EIF2D: variants seen among roughly 807,000 people sequenced by gnomAD.
EIF2D encodes the protein eukaryotic translation initiation factor 2D.
Under a neutral mutation model 77.4 loss-of-function variants are expected in EIF2D, and 56 were observed. The ratio of observed to expected loss-of-function variants is 0.72; its 90% CI spans 0.58 to 0.90. The LOEUF is 0.90. Among genes scored for constraint, EIF2D ranks in the 40% least tolerant of loss-of-function variants. The pLI is 0.00. For missense variants in EIF2D, 574 were observed against 706.5 expected (o/e 0.81, Z 2.13); for synonymous variants, 230 against 271.0 (o/e 0.85, Z 1.49).
At chr1:206,606,947 C>T (rs1467865137) in intron 4 of EIF2D, among the ~76,000 whole-genome samples, 2 of 152,200 alleles carry the variant, frequency 1.3e-5, no homozygotes, top group African/African-American at 4.8e-5. Flanking sequence ...AGAAAATACA[C>T]ATGATCTTCA....
Position 206,609,392 on chromosome 1 carries a change from T to C in EIF2D, c.315A>G (p.Lys105=). The C allele has an allele frequency of 6.2e-7, 1 of 1,614,204 alleles. No individual in the cohort carries two copies. The highest frequency in any genetic ancestry group is 1.7e-5 in the Admixed American group (1 of 60,028). ...TFTTWPLVLE[K]LVGGADLMLP... is the part of the protein sequence containing the mutation. The stretch of plus-strand genomic sequence containing the variant: ...TCCTCTTACCTGCTCCCCCTACCAG[T>C]TTCTCGAGCACCAGAGGCCATGTTG... Residue 105 remains lysine (K), a synonymous_variant, in exon 3 of 15, where the codon AAA becomes AAG. Coordinates refer to ENST00000271764, the MANE Select transcript of EIF2D (RefSeq NM_006893.3).
rs1668784578 is a variant in EIF2D at position 206,579,478 on chromosome 1, A to G, written c.*254+1214T>C. On this transcript the variant is annotated intron_variant and NMD_transcript_variant, in intron 4 of 5. Transcript: ENST00000472709. This position sits in a 1 kb window ranked among gnomAD's most constrained non-coding sequence, Gnocchi z 4.2. ...CTTATCCTCTGAAGATTGCTATAGT[A>G]TCGATCTCGCTCTCATGGCAGATAG... Among the ~76,000 whole-genome samples the G allele has an allele frequency of 6.6e-6, 1 of 152,138 alleles. No individual in the cohort carries two copies. Among genetic ancestry groups the G allele is most frequent in the African/African-American group, 2.4e-5 (1 of 41,420 alleles).
chr1:206,592,431 G>A lies in EIF2D; in HGVS notation c.1685-586C>T, dbSNP rs1256827900. Reference sequence around the variant, plus strand: ...CTCCCAGGACCCCTGGGCTGGGCCAGTGAGCCTCTGAGGTCAGGTGGGCTT... The same window carrying A: ...CTCCCAGGACCCCTGGGCTGGGCCAATGAGCCTCTGAGGTCAGGTGGGCTT... On this transcript the variant is annotated intron_variant, in intron 14 of 14. Coordinates refer to ENST00000271764, the MANE Select transcript of EIF2D (RefSeq NM_006893.3). This position sits in a 1 kb window ranked among gnomAD's most constrained non-coding sequence, Gnocchi z 4.7. Among the ~76,000 whole-genome samples, 1 of 152,264 alleles carries A rather than the reference G, an allele frequency of 6.6e-6. No individual in the cohort carries two copies. The highest frequency in any genetic ancestry group is 6.5e-5 in the Admixed American group (1 of 15,290).
chr1:206,609,333 G>C, intron 3 of EIF2D, 43 bp downstream of exon 3: 2 of 1,569,344 alleles, frequency 1.3e-6, no homozygotes, highest in Non-Finnish European at 1.7e-6. Context: ...CTTTTGCTAA[G>C]TAGGTTTCAG....
intron 2 of EIF2D, 106 bp downstream of exon 2, chr1:206,611,078 T>G: frequency 9.0e-7 from 1 of 1,106,562 alleles, no homozygotes; most frequent in Non-Finnish European, 1.3e-6. Context: ...TATTGGGAGA[T>G]TTCGTGCTTG....
At chr1:206,595,625 C>T in intron 13 of EIF2D, 93 bp downstream of exon 13, 2 of 1,479,558 alleles carry the variant, frequency 1.4e-6, no homozygotes, top group Non-Finnish European at 1.8e-6. Context: ...GAGTTTGAGG[C>T]CAATCTAAAA....
At position 206,599,430 on chromosome 1, in the gene EIF2D, C is replaced by T. The variant is rs781915066; in HGVS notation, c.1202+33G>A. 1 of 1,609,534 alleles carries T rather than the reference C, an allele frequency of 6.2e-7. No homozygotes were observed. The highest frequency in any genetic ancestry group is 1.7e-5 in the Admixed American group (1 of 59,366). On this transcript the variant is annotated intron_variant, in intron 10 of 14. Coordinates refer to ENST00000271764, the MANE Select transcript of EIF2D (RefSeq NM_006893.3). This position sits in a 1 kb window ranked among gnomAD's most constrained non-coding sequence, Gnocchi z 4.1. ...AGGAACTGTAGGCCAGAACACCAAG[C>T]AGGCAGAGAAGGGCTGCTCTCCAAA...
At chr1:206,569,836 G>A (rs1668392051), downstream of EIF2D, among the ~76,000 whole-genome samples, 1 of 152,016 alleles carries the variant, frequency 6.6e-6, no homozygotes, top group South Asian at 2.1e-4. Context: ...CATTTTTTGT[G>A]TTCATTTTGC....
intron 2 of EIF2D, chr1:206,585,136 T>A: frequency 1.3e-6 from 2 of 1,504,968 alleles, no homozygotes; most frequent in East Asian, 2.3e-5. Flanking sequence ...GGCCCCGCCC[T>A]TCTTTTCTGG....
chr1:206,595,546 C>T (rs1357961525), intron 13 of EIF2D, 172 bp downstream of exon 13: 12 of 679,776 alleles, frequency 1.8e-5, no homozygotes, highest in Non-Finnish European at 2.5e-5. Context: ...GCGGGGTCAG[C>T]TTTACCTGTT....
At position 206,584,617 on chromosome 1, in the gene EIF2D, G is replaced by A. The variant is rs782249472; in HGVS notation, c.139-3455C>T. ...GTGAGGTCATCCAGGGGCTGCTCAA[G>A]AAGTTCATGGTTGTGGACAATCCCC... is the stretch of plus-strand genomic sequence containing the variant. On this transcript the variant is annotated intron_variant and NMD_transcript_variant, in intron 2 of 5. Transcript: ENST00000472709. The surrounding 1 kb of genome is among the most constrained non-coding windows in gnomAD (Gnocchi z 4.9). 6.2e-7 allele frequency: 1 copy of A among 1,614,210 alleles called. No individual in the cohort carries two copies. Among genetic ancestry groups the A allele is most frequent in the East Asian group, 2.2e-5 (1 of 44,864 alleles).
chr1:206,572,273 G>A (rs114259391), intron 5 of EIF2D, among the ~76,000 whole-genome samples: 2,218 of 152,184 alleles, frequency 0.015, 56 homozygotes, highest in African/African-American at 0.051. Flanking sequence ...TCTGGGAGCC[G>A]CCTCAGTGAA....
At chr1:206,591,303 G>A (rs1297981000), downstream of EIF2D, among the ~76,000 whole-genome samples, 4 of 152,204 alleles carry the variant, frequency 2.6e-5, no homozygotes, top group African/African-American at 9.7e-5. Context: ...CTGCAATTTA[G>A]GGTCAATTCT....
chr1:206,611,031 C>G (rs1670456787), intron 2 of EIF2D, 153 bp downstream of exon 2: 2 of 676,688 alleles, frequency 3.0e-6, no homozygotes, highest in South Asian at 5.1e-5. Context: ...AGACCCAATT[C>G]TAGGAACACC....
intron 4 of EIF2D, among the ~76,000 whole-genome samples, chr1:206,606,204 G>A (rs79363743): frequency 0.028 from 4,263 of 152,304 alleles, 121 homozygotes; most frequent in South Asian, 0.075. Flanking sequence ...AACAGTGGGG[G>A]AATAATACAT....
intron 4 of EIF2D, among the ~76,000 whole-genome samples, chr1:206,576,327 GC>G (rs1668657271): frequency 6.6e-6 from 1 of 152,210 alleles, no homozygotes; most frequent in South Asian, 2.1e-4. Flanking sequence ...AGGCCATGGG[GC>G]TGGTGTTTGG....
In EIF2D at chr1:206,599,331, C is replaced by A; in HGVS notation, c.1202+132G>T. On this transcript the variant is annotated intron_variant, in intron 10 of 14. Transcript: ENST00000271764. This position sits in a 1 kb window ranked among gnomAD's most constrained non-coding sequence, Gnocchi z 4.1. The stretch of plus-strand genomic sequence containing the variant: ...CTTGCCCAGGGAAGAAGGCTGGAAG[C>A]TGGATTTTGGAGAAGGGGAGAACAG... 2.4e-6 allele frequency: 3 copies of A among 1,269,028 alleles called. No individual in the cohort carries two copies. The highest frequency in any genetic ancestry group is 3.3e-6 in the Non-Finnish European group (3 of 912,036). 78.6% of individuals were successfully genotyped at this position (1,269,028 alleles called of 1,614,324 possible).
At chr1:206,583,092 C>T (rs1553406688) in intron 2 of EIF2D, 1 of 554,890 alleles carries the variant, frequency 1.8e-6, no homozygotes, top group African/African-American at 1.9e-5. Flanking sequence ...TGGCTAGACA[C>T]TGGCACAGCT....
At position 206,584,351 on chromosome 1, in the gene EIF2D, C is replaced by T. The variant is rs782125859; in HGVS notation, c.139-3189G>A. ...GGCAGATATGATCATGCAAGGCGGA[C>T]GGCCCTGACCCCCTGTGACATGCCC... On this transcript the variant is annotated intron_variant and NMD_transcript_variant, in intron 2 of 5. Transcript: ENST00000472709. The surrounding 1 kb of genome is among the most constrained non-coding windows in gnomAD (Gnocchi z 4.9). 11 of 1,572,852 alleles carry T rather than the reference C, an allele frequency of 7.0e-6. No individual in the cohort carries two copies. Among genetic ancestry groups the T allele is most frequent in the South Asian group, 4.8e-5 (4 of 83,900 alleles).
Sources: allele counts gnomAD v4.1 joint callset (sites outside exome capture counted in the v4.1 genomes callset), GRCh38; gene constraint gnomAD v4.1.1; non-coding constraint Gnocchi (gnomAD v3.1); transcripts MANE v1.5; gene names NCBI Gene and HGNC (gene_info 2026-07-23, HGNC 2026-07-21).